PDE4D: variants seen among roughly 807,000 people sequenced by gnomAD.
The protein encoded by PDE4D is 3',5'-cyclic-AMP phosphodiesterase 4D.
PDE4D carries 24 observed loss-of-function variants against 87.4 expected under a neutral mutation model. The observed-to-expected ratio is 0.27, with a 90% CI of 0.20 to 0.39. The LOEUF is 0.39. Ranked by LOEUF, PDE4D falls within the 10% of genes least tolerant of loss-of-function variation. The pLI is 1.00. For missense variants in PDE4D, 714 were observed against 1,041.0 expected (o/e 0.69, Z 4.32); for synonymous variants, 384 against 383.2 (o/e 1.00, Z -0.02).
At chr5:59,180,737 A>G (rs1055580932) in intron 4 of PDE4D, 93 bp from the exon 5 acceptor site, 5 of 1,205,866 alleles carry the variant, frequency 4.1e-6, no homozygotes, top group East Asian at 5.0e-5. Context: ...ATTTTACTTT[A>G]AAGAATTATT....
At chr5:60,066,925 T>C (rs1032775809) in intron 2 of PDE4D, among the ~76,000 whole-genome samples, 1 of 152,144 alleles carries the variant, frequency 6.6e-6, no homozygotes, top group Admixed American at 6.6e-5. Context: ...TCTGTCACCA[T>C]CTATAAGTTT....
At chr5:60,103,895 A>G (rs1776524766) in intron 2 of PDE4D, among the ~76,000 whole-genome samples, 1 of 152,236 alleles carries the variant, frequency 6.6e-6, no homozygotes, top group Non-Finnish European at 1.5e-5. Flanking sequence ...ATGGACAAAT[A>G]GGAACAGCTC....
chr5:60,318,675 C>G (rs539282278), intron 1 of PDE4D, among the ~76,000 whole-genome samples: 160 of 151,870 alleles, frequency 1.1e-3, no homozygotes, highest in East Asian at 1.5e-3. Flanking sequence ...TTTAGGGCAG[C>G]CCTGGTGGTG....
chr5:59,615,674 G>A (rs1829570533), intron 1 of PDE4D, among the ~76,000 whole-genome samples: 1 of 152,138 alleles, frequency 6.6e-6, no homozygotes, highest in Non-Finnish European at 1.5e-5. Context: ...CAACAATACA[G>A]TTCACATTTC....
At chr5:59,838,691 C>G (rs967291486) in intron 1 of PDE4D, among the ~76,000 whole-genome samples, 3 of 152,066 alleles carry the variant, frequency 2.0e-5, no homozygotes, top group Non-Finnish European at 2.9e-5. Flanking sequence ...TAGAGGTGTT[C>G]TAGCATAATA....
chr5:60,155,717 G>T (rs1480843319), intron 2 of PDE4D, among the ~76,000 whole-genome samples: 8 of 152,246 alleles, frequency 5.3e-5, no homozygotes, highest in Admixed American at 1.3e-4. Context: ...CAGAGGTTCA[G>T]GTAGAATAAA....
chr5:59,961,534 C>T (rs12520463), intron 3 of PDE4D, among the ~76,000 whole-genome samples: 36,659 of 151,976 alleles, frequency 0.24, 5,225 homozygotes, highest in Admixed American at 0.34. Context: ...TCTGCTGTTT[C>T]GAGCCACCCA....
At chr5:59,698,713 A>G (rs1352950876) in intron 1 of PDE4D, among the ~76,000 whole-genome samples, 1 of 152,182 alleles carries the variant, frequency 6.6e-6, no homozygotes, top group Non-Finnish European at 1.5e-5. Context: ...GAAAACCATA[A>G]TTACATATGC....
At chr5:60,355,705 T>C (rs1439525470) in intron 1 of PDE4D, among the ~76,000 whole-genome samples, 2 of 151,950 alleles carry the variant, frequency 1.3e-5, no homozygotes, top group African/African-American at 4.8e-5. Flanking sequence ...ATATATATTA[T>C]ATACTGTATT....
intron 1 of PDE4D, among the ~76,000 whole-genome samples, chr5:59,328,089 C>T (rs955005781): frequency 2.6e-5 from 4 of 152,042 alleles, no homozygotes; most frequent in African/African-American, 7.2e-5. Context: ...AAATATATAA[C>T]AAAAATTATA....
At chr5:60,107,379 C>A (rs1777101120) in intron 2 of PDE4D, among the ~76,000 whole-genome samples, 1 of 152,082 alleles carries the variant, frequency 6.6e-6, no homozygotes, top group East Asian at 1.9e-4. Context: ...GCTTACCAAC[C>A]AAAAAGAGTC....
intron 2 of PDE4D, among the ~76,000 whole-genome samples, chr5:60,125,385 G>A (rs1018785231): frequency 5.3e-5 from 8 of 151,956 alleles, no homozygotes; most frequent in African/African-American, 7.2e-5. Context: ...CTTTCTCACC[G>A]TAAACACAGC....
chr5:60,489,088 G>A (rs1461238936), upstream of PDE4D, among the ~76,000 whole-genome samples: 1 of 152,014 alleles, frequency 6.6e-6, no homozygotes, highest in Non-Finnish European at 1.5e-5. Flanking sequence ...GATTATAGAG[G>A]CAACTAAAAT....
chr5:59,833,696 A>G (rs1741589539), intron 1 of PDE4D, among the ~76,000 whole-genome samples: 1 of 151,804 alleles, frequency 6.6e-6, no homozygotes, highest in African/African-American at 2.4e-5. Flanking sequence ...TGTGTGTGGT[A>G]TGTGTGGTGT....
intron 1 of PDE4D, among the ~76,000 whole-genome samples, chr5:59,435,306 T>G (rs1304277575): frequency 6.6e-6 from 1 of 152,108 alleles, no homozygotes; most frequent in East Asian, 1.9e-4. Flanking sequence ...GTAATGAAGT[T>G]CAAAATTTAA....
At chr5:59,360,249 C>G (rs76983075) in intron 1 of PDE4D, among the ~76,000 whole-genome samples, 76 of 152,198 alleles carry the variant, frequency 5.0e-4, no homozygotes, top group Non-Finnish European at 1.5e-4. Flanking sequence ...AACAGGCATA[C>G]GGAAGAGACG....
intron 5 of PDE4D, among the ~76,000 whole-genome samples, chr5:59,146,843 C>T (rs1490167495): frequency 1.3e-5 from 2 of 152,168 alleles, no homozygotes; most frequent in African/African-American, 4.8e-5. Context: ...ATACTCCCCA[C>T]TGAACACCTC....
chr5:60,177,920 A>G (rs1040213687), intron 2 of PDE4D, among the ~76,000 whole-genome samples: 17 of 152,150 alleles, frequency 1.1e-4, no homozygotes, highest in African/African-American at 4.1e-4. Flanking sequence ...AAATGAGCAG[A>G]TGCCAATTAA....
chr5:60,273,597 A>G (rs984232006), intron 1 of PDE4D, among the ~76,000 whole-genome samples: 61 of 152,218 alleles, frequency 4.0e-4, no homozygotes, highest in African/African-American at 1.4e-3. Flanking sequence ...TGTAGCAGCA[A>G]TTAAGCAAGA....
Sources: gnomAD v4.1 joint callset for allele counts (sites outside exome capture counted in the v4.1 genomes callset) on GRCh38, gnomAD v4.1.1 for gene constraint, MANE v1.5 for transcripts, NCBI Gene and HGNC (gene_info 2026-07-23, HGNC 2026-07-21) for gene names.